C8orf34: variants seen among roughly 807,000 people sequenced by gnomAD.
The protein encoded by C8orf34 is chromosome 8 open reading frame 34.
In C8orf34, 65 loss-of-function variants were observed where a neutral mutation model predicts 68.3. The ratio of observed to expected loss-of-function variants is 0.95; its 90% CI spans 0.78 to 1.17. C8orf34 has a LOEUF of 1.17. Among genes scored for constraint, C8orf34 ranks in the 50% most tolerant of loss-of-function variants. C8orf34 has a pLI of 0.00. For missense variants in C8orf34, 664 were observed against 655.4 expected, an observed-to-expected ratio of 1.01 and a Z score of -0.14; for synonymous variants, 244 against 241.2, an observed-to-expected ratio of 1.01 and a Z score of -0.11.
At chr8:68,722,606 C>A (rs553187696) in intron 10 of C8orf34, among the ~76,000 whole-genome samples, 65 of 152,126 alleles carry the variant, frequency 4.3e-4, no homozygotes, top group African/African-American at 1.3e-3. Context: ...CATTTCCCTT[C>A]TTTATTTTTT....
At chr8:68,719,577 G>A (rs1821609913) in intron 9 of C8orf34, among the ~76,000 whole-genome samples, 1 of 151,668 alleles carries the variant, frequency 6.6e-6, no homozygotes, top group African/African-American at 2.4e-5. Context: ...AGTATTTGTT[G>A]AATAAATGAA....
chr8:68,669,384 C>T (rs532922228), intron 8 of C8orf34, among the ~76,000 whole-genome samples: 1 of 152,144 alleles, frequency 6.6e-6, no homozygotes, highest in East Asian at 1.9e-4. Flanking sequence ...TTAGCAAGAA[C>T]AAAAATGGTT....
chr8:68,707,077 G>C (rs1281078139), intron 8 of C8orf34, among the ~76,000 whole-genome samples: 2 of 152,098 alleles, frequency 1.3e-5, no homozygotes, highest in African/African-American at 2.4e-5. Flanking sequence ...AAAACAAAAA[G>C]CAATTTAACT....
intron 4 of C8orf34, among the ~76,000 whole-genome samples, chr8:68,485,764 A>T (rs866050773): frequency 6.6e-5 from 10 of 151,252 alleles, no homozygotes; most frequent in African/African-American, 1.9e-4. Context: ...AAAATAAATC[A>T]AGAGGTTAAG....
intron 6 of C8orf34, chr8:68,525,522 A>G: frequency 1.3e-6 from 1 of 789,868 alleles, no homozygotes; most frequent in Non-Finnish European, 2.1e-6. Flanking sequence ...CATCCCTAGA[A>G]AAAGAATCCC....
chr8:68,584,569 G>A (rs1240283231), intron 7 of C8orf34, among the ~76,000 whole-genome samples: 1 of 152,064 alleles, frequency 6.6e-6, no homozygotes, highest in Non-Finnish European at 1.5e-5. Context: ...AAGAGCAAAT[G>A]CACCACAAAG....
chr8:68,575,499 T>C (rs2130302473), intron 7 of C8orf34, among the ~76,000 whole-genome samples: 2 of 152,258 alleles, frequency 1.3e-5, no homozygotes, highest in Middle Eastern at 6.8e-3. Flanking sequence ...ATTGCAGTGG[T>C]ACATTGGGTA....
At chr8:68,759,561 C>G (rs889434920) in intron 10 of C8orf34, among the ~76,000 whole-genome samples, 1 of 152,196 alleles carries the variant, frequency 6.6e-6, no homozygotes, top group Non-Finnish European at 1.5e-5. Context: ...GAAAGAATTA[C>G]AGAATGCCAA....
At chr8:68,673,700 C>T (rs1820089980) in intron 8 of C8orf34, among the ~76,000 whole-genome samples, 1 of 152,134 alleles carries the variant, frequency 6.6e-6, no homozygotes, top group Non-Finnish European at 1.5e-5. Flanking sequence ...ATGGGACTGG[C>T]AGTAACTCAT....
At chr8:68,790,862 TTTCATACTTTGGTAATATTTGCTTA>T in intron 12 of C8orf34, 4 of 701,982 alleles carry the variant, frequency 5.7e-6, no homozygotes, top group South Asian at 4.5e-5. Context: ...ATTCTGCATT[TTTCATACTTTGGTAATATTTGCTTA>T]TTCTAAAAGT....
chr8:68,467,575 CCT>C (rs1379681616), intron 3 of C8orf34, among the ~76,000 whole-genome samples: 1 of 151,908 alleles, frequency 6.6e-6, no homozygotes, highest in Non-Finnish European at 1.5e-5. Flanking sequence ...CCGAGAATTC[CCT>C]GTTCCTTTTC....
chr8:68,625,406 A>G, intron 7 of C8orf34: 1 of 499,132 alleles, frequency 2.0e-6, no homozygotes, highest in Non-Finnish European at 3.6e-6. Context: ...TTGTGAGGTG[A>G]CAGAATGCTG....
At chr8:68,636,119 C>T (rs139563646) in intron 7 of C8orf34, among the ~76,000 whole-genome samples, 1 of 152,086 alleles carries the variant, frequency 6.6e-6, no homozygotes, top group Non-Finnish European at 1.5e-5. Flanking sequence ...GAAGGGCTGA[C>T]TAGAAACTAT....
chr8:68,683,899 T>A (rs1403212051), intron 8 of C8orf34, among the ~76,000 whole-genome samples: 1 of 152,100 alleles, frequency 6.6e-6, no homozygotes, highest in South Asian at 2.1e-4. Flanking sequence ...TCCCAGTGAG[T>A]GTAACTCCCA....
intron 7 of C8orf34, among the ~76,000 whole-genome samples, chr8:68,572,068 C>T (rs1816774683): frequency 6.6e-6 from 1 of 152,016 alleles, no homozygotes; most frequent in African/African-American, 2.4e-5. Context: ...ATGCTGAATA[C>T]CATAGACAAT....
At position 68,818,408 on chromosome 8, in the gene C8orf34, A is replaced by G; in HGVS notation, c.*162A>G. On this transcript the variant is annotated 3_prime_UTR_variant, in exon 14 of 14. Transcript: ENST00000518698. ...TATCGTAGCCAGGGGGTGCCCAAGT[A>G]TGTAATCAGAGAACACTAATCCTGG... is the stretch of plus-strand genomic sequence containing the variant. 1.3e-6 allele frequency: 1 copy of G among 748,298 alleles called. No homozygotes were observed. Among genetic ancestry groups the G allele is most frequent in the East Asian group, 2.7e-5 (1 of 36,456 alleles). 46.4% of individuals were successfully genotyped at this position (748,298 alleles called of 1,614,324 possible). A position where few individuals can be genotyped will look rare whatever the true frequency, so the allele number is the denominator to read the frequency against.
chr8:68,437,214 T>C (rs1810702359), intron 1 of C8orf34, among the ~76,000 whole-genome samples: 1 of 152,228 alleles, frequency 6.6e-6, no homozygotes, highest in Admixed American at 6.5e-5. Context: ...CTTGGTTTAT[T>C]ATGACTAAAT....
At chr8:68,657,249 G>A (rs1482034026) in intron 8 of C8orf34, among the ~76,000 whole-genome samples, 1 of 152,262 alleles carries the variant, frequency 6.6e-6, no homozygotes, top group East Asian at 1.9e-4. Context: ...TAGTCTGAAT[G>A]TTTGTATTCT....
intron 1 of C8orf34, among the ~76,000 whole-genome samples, chr8:68,358,473 A>G (rs1157678409): frequency 2.0e-5 from 3 of 151,240 alleles, no homozygotes; most frequent in East Asian, 2.0e-4. Flanking sequence ...AGCCTCCTTC[A>G]TGCCACAATA....
Sources: gnomAD v4.1 joint callset for allele counts (sites outside exome capture counted in the v4.1 genomes callset) on GRCh38, gnomAD v4.1.1 for gene constraint, MANE v1.5 for transcripts, NCBI Gene and HGNC (gene_info 2026-07-23, HGNC 2026-07-21) for gene names.